Variants in CLOCK observed in about 807,000 individuals in gnomAD.
CLOCK encodes clock circadian regulator.
Under a neutral mutation model 118.4 loss-of-function variants are expected in CLOCK, and 43 were observed. That is an observed-to-expected ratio of 0.36 (90% CI 0.28 to 0.47). The LOEUF (loss-of-function observed/expected upper bound fraction) is 0.47, where lower values mean the gene tolerates loss of function less well. Among genes scored for constraint, CLOCK ranks in the 20% least tolerant of loss-of-function variants. CLOCK has a pLI of 1.00. For synonymous variants in CLOCK, 326 were observed against 339.2 expected (o/e 0.96, Z 0.43); for missense variants, 846 against 999.9 (o/e 0.85, Z 2.08).
intron 1 of CLOCK, among the ~76,000 whole-genome samples, chr4:55,535,530 C>G (rs7660668): frequency 0.75 from 114,521 of 151,914 alleles, 43,487 homozygotes; most frequent in East Asian, 0.9. Flanking sequence ...AACAAAGTCA[C>G]ATCCTATCTC....
chr4:55,539,882 G>A (rs1051059484), intron 1 of CLOCK, among the ~76,000 whole-genome samples: 5 of 151,886 alleles, frequency 3.3e-5, no homozygotes, highest in African/African-American at 1.2e-4. Context: ...GACTACATTA[G>A]GAGCCCATAA....
rs181279486 is a variant in CLOCK, at chr4:55,457,427, G to A, written c.793-1127C>T. Among the ~76,000 whole-genome samples the A allele has an allele frequency of 4.6e-4, 70 of 151,996 alleles. 1 individual carries two copies. Among genetic ancestry groups the A allele is most frequent in the Non-Finnish European group, 8.7e-4 (59 of 68,008 alleles). On this transcript the variant is annotated intron_variant, in intron 11 of 22. Transcript: ENST00000513440. Reference sequence around the variant, plus strand: ...CTTGAGTGCATTGGTTTAGACCCCTGCCATCACTGATTTGCTACAGTGTTC... The same window carrying A: ...CTTGAGTGCATTGGTTTAGACCCCTACCATCACTGATTTGCTACAGTGTTC...
chr4:55,444,220 A>C (rs1449514937), intron 19 of CLOCK, among the ~76,000 whole-genome samples: 1 of 152,212 alleles, frequency 6.6e-6, no homozygotes, highest in Admixed American at 6.5e-5. Context: ...CCAAAGTCAT[A>C]GTCTCCTAGA....
chr4:55,542,511 C>G (rs1040277759), intron 1 of CLOCK, among the ~76,000 whole-genome samples: 9 of 151,200 alleles, frequency 6.0e-5, no homozygotes, highest in Admixed American at 5.3e-4. Flanking sequence ...GATCAATACT[C>G]TGAACTTTTT....
intron 3 of CLOCK, chr4:55,486,626 A>G (rs1727315656): frequency 6.6e-6 from 1 of 152,174 alleles, no homozygotes; most frequent in African/African-American, 2.4e-5. Context: ...TCCTTAATCA[A>G]CAGTTTAGTT....
At chr4:55,520,278 T>C (rs13108409) in intron 1 of CLOCK, among the ~76,000 whole-genome samples, 51,362 of 152,012 alleles carry the variant, frequency 0.34, 9,374 homozygotes, top group East Asian at 0.58. Context: ...ACCGATCAAG[T>C]GAAGTATCTG....
chr4:55,519,467 G>A (rs932432487), intron 1 of CLOCK, among the ~76,000 whole-genome samples: 2 of 152,174 alleles, frequency 1.3e-5, no homozygotes, highest in Non-Finnish European at 2.9e-5. Context: ...AGGATAATGA[G>A]TCATAGTAGA....
At chr4:55,475,235 C>T (rs537153100) in intron 7 of CLOCK, among the ~76,000 whole-genome samples, 3 of 152,136 alleles carry the variant, frequency 2.0e-5, no homozygotes, top group Admixed American at 6.5e-5. Flanking sequence ...GTGGTAGAAA[C>T]GGCAAGAGAA....
chr4:55,504,299 A>T (rs905447313), intron 2 of CLOCK, among the ~76,000 whole-genome samples: 3 of 150,754 alleles, frequency 2.0e-5, no homozygotes, highest in Admixed American at 2.0e-4. Context: ...AAAAAAAAAA[A>T]AAAAAAAACA....
rs6855837 is a variant in CLOCK, at chr4:55,453,077, G to T, written c.1183C>A (p.Leu395Ile). ...RRRELGIEES[L>I]PETAADKSQD... ...ACTTTGTCAGCAGCTGTCTCAGGAA[G>T]AGACTCTTCAATGCCAAGTTCTCGT... The change falls in exon 15 of 23, where the codon CTT becomes ATT. Residue 395 changes from leucine to isoleucine, a missense_variant. Physicochemically the swap from Leu to Ile is conservative, Grantham distance 5 (BLOSUM62 2). Around this residue, in one of 4 missense-constraint regions of CLOCK, gnomAD observed 520 missense variants for 558.0 expected, o/e 0.93. Coordinates refer to ENST00000513440, the MANE Select transcript of CLOCK (RefSeq NM_004898.4). The T allele has an allele frequency of 0.015, 23,586 of 1,611,712 alleles. 2,925 individuals carry two copies. In the African/African-American group the frequency reaches 0.27, roughly 19 times the overall value.
rs146548353 is a variant in CLOCK at position 55,435,559 on chromosome 4, T to C, written c.2397A>G (p.Gln799=). ...SRLLHGNPST[Q]LILSAAFPLQ... ...GAGGAAATGCAGCAGAGAGAATGAG[T>C]TGAGTTGAGGGATTCCCATGGAGCA... The change falls in exon 23 of 23, where the codon CAA becomes CAG. Residue 799 remains glutamine, a synonymous_variant. Transcript: ENST00000513440. 1.9e-6 allele frequency: 3 copies of C among 1,613,750 alleles called. No individual in the cohort carries two copies. In the South Asian group the frequency reaches 3.3e-5, roughly 18 times the overall value.
chr4:55,529,885 T>A (rs185953036), intron 1 of CLOCK, among the ~76,000 whole-genome samples: 47 of 152,316 alleles, frequency 3.1e-4, no homozygotes, highest in Middle Eastern at 3.4e-3. Context: ...CAAAAGCTAC[T>A]CATTAACAAT....
At chr4:55,507,811 G>A (rs1728906728) in intron 2 of CLOCK, among the ~76,000 whole-genome samples, 1 of 152,136 alleles carries the variant, frequency 6.6e-6, no homozygotes, top group African/African-American at 2.4e-5. Flanking sequence ...CACTTACTGT[G>A]TGCCAAATAT....
chr4:55,501,952 C>CA (rs1447547481), intron 2 of CLOCK, among the ~76,000 whole-genome samples: 2 of 152,136 alleles, frequency 1.3e-5, no homozygotes, highest in Non-Finnish European at 1.5e-5. Context: ...GTATAAACTA[C>CA]AAGGGCTTTT....
intron 8 of CLOCK, among the ~76,000 whole-genome samples, chr4:55,465,047 TA>T (rs1441045203): frequency 6.6e-6 from 1 of 152,168 alleles, no homozygotes; most frequent in African/African-American, 2.4e-5. Flanking sequence ...ACATTAAAAA[TA>T]AAATTCTTTT....
At chr4:55,482,630 A>G in intron 4 of CLOCK, 109 bp downstream of exon 4, 1 of 698,272 alleles carries the variant, frequency 1.4e-6, no homozygotes, top group South Asian at 2.0e-5. Context: ...TGCAATAGTA[A>G]TTATGTTTAG....
intron 1 of CLOCK, among the ~76,000 whole-genome samples, chr4:55,541,189 C>CG (rs1321732638): frequency 6.6e-6 from 1 of 152,146 alleles, no homozygotes; most frequent in African/African-American, 2.4e-5. Context: ...CGGTATCCAC[C>CG]TGTTTCACAG....
chr4:55,526,454 C>T (rs1730194654), intron 1 of CLOCK, among the ~76,000 whole-genome samples: 1 of 152,166 alleles, frequency 6.6e-6, no homozygotes, highest in Admixed American at 6.5e-5. Context: ...AGTAATAGTA[C>T]TACTTACAGA....
At chr4:55,454,372 T>C (rs973381306) in intron 13 of CLOCK, among the ~76,000 whole-genome samples, 2 of 151,996 alleles carry the variant, frequency 1.3e-5, no homozygotes, top group South Asian at 4.1e-4. Flanking sequence ...CTCAGTACTT[T>C]AGGAAGCAGA....
Sources: gnomAD v4.1 joint callset for allele counts (sites outside exome capture counted in the v4.1 genomes callset) on GRCh38, gnomAD v4.1.1 for gene constraint, gnomAD v4.1.1 regional missense constraint, MANE v1.5 for transcripts, NCBI Gene and HGNC (gene_info 2026-07-23, HGNC 2026-07-21) for gene names.